Variants in ANO2 observed in about 807,000 individuals in gnomAD.
ANO2 encodes the protein anoctamin 2.
In ANO2, 101 loss-of-function variants were observed where a neutral mutation model predicts 124.2. The observed-to-expected ratio is 0.81, with a 90% CI of 0.69 to 0.96. The LOEUF (loss-of-function observed/expected upper bound fraction) is 0.96, where lower values mean the gene tolerates loss of function less well. Among genes scored for constraint, ANO2 ranks in the 40% least tolerant of loss-of-function variants. The pLI, the probability that ANO2 is intolerant of heterozygous loss-of-function variation, is 0.00. For missense variants in ANO2, 1,293 were observed against 1,274.5 expected (o/e 1.01, Z -0.22); for synonymous variants, 486 against 482.5 (o/e 1.01, Z -0.09).
At chr12:5,609,781 T>C (rs751804846) in intron 19 of ANO2, among the ~76,000 whole-genome samples, 2 of 151,742 alleles carry the variant, frequency 1.3e-5, no homozygotes, top group African/African-American at 2.4e-5. Flanking sequence ...TGCCAGCTCA[T>C]TGGGCCTTAC....
chr12:5,722,995 T>G (rs1303746717), intron 14 of ANO2, among the ~76,000 whole-genome samples: 1 of 152,020 alleles, frequency 6.6e-6, no homozygotes, highest in Non-Finnish European at 1.5e-5. Context: ...TGTAAGAGAG[T>G]GCTAAATTCT....
intron 14 of ANO2, among the ~76,000 whole-genome samples, chr12:5,705,634 T>C (rs1266213601): frequency 6.6e-6 from 1 of 152,244 alleles, no homozygotes; most frequent in Non-Finnish European, 1.5e-5. Context: ...CAAACAACTA[T>C]GAATTCTTAC....
chr12:5,830,611 C>T (rs368038534), intron 5 of ANO2, 122 bp from the exon 6 acceptor site: 1 of 706,196 alleles, frequency 1.4e-6, no homozygotes. Context: ...GAGGTGCACA[C>T]ACACACGATG....
chr12:5,838,889 C>G (rs947422697), intron 4 of ANO2, among the ~76,000 whole-genome samples: 4 of 152,210 alleles, frequency 2.6e-5, no homozygotes, highest in African/African-American at 9.6e-5. Flanking sequence ...TTTGCTGACA[C>G]CAATGAGATG....
rs567042471 is a variant in ANO2, at chr12:5,873,953, G to A, written c.535-19812C>T. On this transcript the variant is annotated intron_variant, in intron 3 of 24. Transcript: ENST00000682330. ...ATGTACCCCAACCCAACCAAGAGAC[G>A]CGCAGAGAAGCCCAGACCTCCCATC... 3.9e-5 allele frequency among the ~76,000 whole-genome samples: 6 copies of A among 152,316 alleles called. No individual in the cohort carries two copies. In the East Asian group the frequency reaches 5.8e-4, roughly 15 times the overall value.
chr12:5,786,746 G>A (rs764219583), intron 10 of ANO2, among the ~76,000 whole-genome samples: 57 of 152,276 alleles, frequency 3.7e-4, no homozygotes, highest in South Asian at 2.9e-3. Flanking sequence ...CCTTAAAGTG[G>A]AGCAAAGCAG....
chr12:5,714,155 A>C (rs910200137), intron 14 of ANO2, among the ~76,000 whole-genome samples: 1 of 152,218 alleles, frequency 6.6e-6, no homozygotes, highest in Non-Finnish European at 1.5e-5. Flanking sequence ...ACTCTACCGG[A>C]TCACTCCAGA....
At chr12:5,851,406 G>C (rs567787901) in intron 4 of ANO2, among the ~76,000 whole-genome samples, 1 of 152,268 alleles carries the variant, frequency 6.6e-6, no homozygotes, top group South Asian at 2.1e-4. Flanking sequence ...AGAGGTGTCT[G>C]GCTGGGTGTG....
chr12:5,569,263 A>C (rs1411764325), intron 23 of ANO2, among the ~76,000 whole-genome samples: 1 of 152,176 alleles, frequency 6.6e-6, no homozygotes, highest in Non-Finnish European at 1.5e-5. Flanking sequence ...ACCCGTTCCC[A>C]TGGCTTGGGG....
At chr12:5,928,628 T>C (rs71459979) in intron 1 of ANO2, among the ~76,000 whole-genome samples, 14 of 137,692 alleles carry the variant, frequency 1.0e-4, no homozygotes, top group South Asian at 2.5e-4. Context: ...CTTCTTTCCT[T>C]ATTAGTCACT....
At chr12:5,803,739 C>T (rs1591635781) in intron 9 of ANO2, among the ~76,000 whole-genome samples, 1 of 152,160 alleles carries the variant, frequency 6.6e-6, no homozygotes, top group African/African-American at 2.4e-5. Context: ...GTTCTCAAGA[C>T]GGAGGAAGCC....
chr12:5,741,802 T>C (rs1439607351), intron 12 of ANO2, among the ~76,000 whole-genome samples: 1 of 152,162 alleles, frequency 6.6e-6, no homozygotes, highest in Non-Finnish European at 1.5e-5. Flanking sequence ...ACAACGATGC[T>C]CAAAGATTAA....
chr12:5,850,557 G>C (rs11063884), intron 4 of ANO2, among the ~76,000 whole-genome samples: 257 of 152,262 alleles, frequency 1.7e-3, no homozygotes, highest in Middle Eastern at 3.4e-3. Context: ...GCAGCCTTGG[G>C]GGGCAATCAC....
intron 17 of ANO2, among the ~76,000 whole-genome samples, chr12:5,613,215 G>C (rs1944632475): frequency 6.6e-6 from 1 of 152,196 alleles, no homozygotes; most frequent in Admixed American, 6.5e-5. Flanking sequence ...GCTGGGCCTG[G>C]TGTGTGTGCG....
rs1298054736 is a variant in ANO2, at chr12:5,578,546, C to T, written c.2234-28G>A. ...GCGAGAGAGCACAGCATGAGGGCTT[C>T]AGCAGGAACAAGCAGGACTCAGGTC... On this transcript the variant is annotated intron_variant, in intron 20 of 24. Transcript: ENST00000682330. The T allele has an allele frequency of 5.6e-6, 9 of 1,602,612 alleles. No homozygotes were observed. The South Asian group carries it at 1.0e-4, about 18-fold the overall frequency.
chr12:5,919,739 G>A (rs147672107), intron 3 of ANO2, among the ~76,000 whole-genome samples: 11 of 151,658 alleles, frequency 7.3e-5, no homozygotes, highest in African/African-American at 1.5e-4. Flanking sequence ...GCTCTGTCAC[G>A]CAGGCTGGAG....
intron 3 of ANO2, among the ~76,000 whole-genome samples, chr12:5,873,610 C>T (rs555364788): frequency 6.6e-6 from 1 of 152,378 alleles, no homozygotes; most frequent in South Asian, 2.1e-4. Context: ...ATGGGCTGAA[C>T]TGGAGAGTCC....
At chr12:5,619,278 A>G (rs1944990117) in intron 16 of ANO2, among the ~76,000 whole-genome samples, 1 of 152,248 alleles carries the variant, frequency 6.6e-6, no homozygotes, top group South Asian at 2.1e-4. Flanking sequence ...CGCATAATGC[A>G]TTGTTTAGGA....
At chr12:5,579,884 G>T (rs1942644982) in intron 20 of ANO2, among the ~76,000 whole-genome samples, 1 of 152,096 alleles carries the variant, frequency 6.6e-6, no homozygotes, top group Non-Finnish European at 1.5e-5. Context: ...TGCATCCCTG[G>T]GATCACTCAA....
Sources: allele counts gnomAD v4.1 joint callset (sites outside exome capture counted in the v4.1 genomes callset), GRCh38; gene constraint gnomAD v4.1.1; transcripts MANE v1.5; gene names NCBI Gene and HGNC (gene_info 2026-07-23, HGNC 2026-07-21).